STPG2: variants seen among roughly 807,000 people sequenced by gnomAD.
STPG2 encodes the protein sperm-tail PG-rich repeat-containing protein 2.
STPG2 carries 56 observed loss-of-function variants against 54.2 expected under a neutral mutation model. The ratio of observed to expected loss-of-function variants is 1.03; its 90% CI spans 0.83 to 1.29. The LOEUF is 1.29. Among genes scored for constraint, STPG2 ranks in the 50% most tolerant of loss-of-function variants. The probability of loss-of-function intolerance (pLI) is 0.00; values close to 1 mark genes in which losing one functional copy is unlikely to be tolerated. For synonymous variants in STPG2, 200 were observed against 181.8 expected (o/e 1.10, Z -0.81); for missense variants, 596 against 544.9 (o/e 1.09, Z -0.93).
At chr4:97,658,413 C>T (rs928851672) in intron 10 of STPG2, among the ~76,000 whole-genome samples, 2 of 152,118 alleles carry the variant, frequency 1.3e-5, no homozygotes, top group Non-Finnish European at 2.9e-5. Flanking sequence ...GCAGAAAATA[C>T]GTCATACTTT....
intron 5 of STPG2, chr4:98,025,746 G>T: frequency 6.4e-7 from 1 of 1,556,362 alleles, no homozygotes; most frequent in Non-Finnish European, 8.8e-7. Context: ...ATCTATGAAG[G>T]CCAAGTGGAG....
rs1010547181 is a variant in STPG2, at chr4:97,826,611, G to A, written c.1204+14162C>T. Among the ~76,000 whole-genome samples, 3 of 152,274 alleles carry A rather than the reference G, an allele frequency of 2.0e-5. No homozygotes were observed. The South Asian group carries it at 6.2e-4, about 32-fold the overall frequency. On this transcript the variant is annotated intron_variant, in intron 9 of 10. Coordinates refer to ENST00000295268, the MANE Select transcript of STPG2 (RefSeq NM_174952.3). ...AAGATTGAATATATTTGTCGACAAG[G>A]TTTTATTAAGAATTGAATTTGACAT...
chr4:97,553,134 C>A (rs1732002722), intron 4 of STPG2, among the ~76,000 whole-genome samples: 1 of 152,156 alleles, frequency 6.6e-6, no homozygotes, highest in African/African-American at 2.4e-5. Flanking sequence ...TAATGGCTTA[C>A]ATTCTATTTC....
At chr4:97,876,130 A>G (rs563738509) in intron 8 of STPG2, among the ~76,000 whole-genome samples, 6 of 152,160 alleles carry the variant, frequency 3.9e-5, no homozygotes, top group African/African-American at 1.4e-4. Context: ...GAATGCTAAA[A>G]AGTCTGTCTT....
intron 10 of STPG2, among the ~76,000 whole-genome samples, chr4:97,706,589 G>C (rs968271077): frequency 2.6e-5 from 4 of 152,182 alleles, no homozygotes; most frequent in Non-Finnish European, 5.9e-5. Context: ...GTTTGTTAAA[G>C]CAGCCAAAAC....
At chr4:97,993,087 T>G (rs908891551) in intron 5 of STPG2, among the ~76,000 whole-genome samples, 2 of 152,292 alleles carry the variant, frequency 1.3e-5, no homozygotes, top group East Asian at 3.9e-4. Context: ...CTTTCTCTTG[T>G]CTGATTGCTC....
intron 4 of STPG2, among the ~76,000 whole-genome samples, chr4:97,453,790 G>C (rs1300208567): frequency 6.6e-6 from 1 of 152,158 alleles, no homozygotes; most frequent in Non-Finnish European, 1.5e-5. Flanking sequence ...CCAGGTTTCA[G>C]TCCTGGCACC....
intron 9 of STPG2, among the ~76,000 whole-genome samples, chr4:97,799,329 C>T (rs1578575054): frequency 6.6e-6 from 1 of 152,178 alleles, no homozygotes. Flanking sequence ...ACAAGTTGTT[C>T]CTTTCCATGT....
chr4:98,000,892 C>A (rs1301748759), intron 5 of STPG2, among the ~76,000 whole-genome samples: 2 of 151,898 alleles, frequency 1.3e-5, no homozygotes, highest in Non-Finnish European at 2.9e-5. Flanking sequence ...AAATGGAAAC[C>A]AAAAGTAGCT....
intron 7 of STPG2, among the ~76,000 whole-genome samples, chr4:97,963,754 C>T (rs1398549925): frequency 1.3e-5 from 2 of 151,424 alleles, no homozygotes; most frequent in African/African-American, 4.9e-5. Flanking sequence ...TTTATTTATA[C>T]TTATATCGGA....
intron 6 of STPG2, among the ~76,000 whole-genome samples, chr4:97,980,307 G>A (rs1734631486): frequency 6.6e-6 from 1 of 152,166 alleles, no homozygotes; most frequent in South Asian, 2.1e-4. Context: ...TTTGTAGCCA[G>A]GGAATTGATC....
chr4:97,937,402 G>T (rs560728240), intron 8 of STPG2, among the ~76,000 whole-genome samples: 1 of 152,022 alleles, frequency 6.6e-6, no homozygotes, highest in Non-Finnish European at 1.5e-5. Flanking sequence ...CTCATCCTCT[G>T]TCCAGTTCTG....
At chr4:97,857,413 ATT>A (rs1729370072) in intron 8 of STPG2, among the ~76,000 whole-genome samples, 2 of 152,038 alleles carry the variant, frequency 1.3e-5, no homozygotes, top group East Asian at 3.9e-4. Context: ...CAGGAATCTA[ATT>A]ATTTCTTCTA....
intron 8 of STPG2, among the ~76,000 whole-genome samples, chr4:97,873,596 A>G (rs1308128978): frequency 2.2e-5 from 3 of 139,226 alleles, no homozygotes; most frequent in Non-Finnish European, 3.4e-5. Flanking sequence ...CATATCATAT[A>G]GAAGAAACAA....
intron 4 of STPG2, among the ~76,000 whole-genome samples, chr4:97,525,146 T>C (rs988121090): frequency 6.6e-6 from 1 of 151,982 alleles, no homozygotes; most frequent in African/African-American, 2.4e-5. Context: ...TGTATTGTGA[T>C]ATGCTTTCAA....
intron 10 of STPG2, among the ~76,000 whole-genome samples, chr4:97,593,378 A>G (rs1363412593): frequency 2.6e-5 from 4 of 152,170 alleles, no homozygotes; most frequent in African/African-American, 9.7e-5. Context: ...GTGTGTGCAC[A>G]TCCTGCATGA....
intron 9 of STPG2, among the ~76,000 whole-genome samples, chr4:97,746,788 G>A (rs760731549): frequency 1.8e-4 from 27 of 151,108 alleles, no homozygotes; most frequent in African/African-American, 5.8e-4. Flanking sequence ...TGTGCACCTC[G>A]AAAGTATCCC....
rs62319852 is a variant in STPG2 at position 97,724,638 on chromosome 4, C to T, written c.1205-11824G>A. ...TATTTTTTAAATTTGCTATATGATG[C>T]TATAATCTGCAATTTAAAGTAGGTT... On this transcript the variant is annotated intron_variant, in intron 9 of 10. Coordinates refer to ENST00000295268, the MANE Select transcript of STPG2 (RefSeq NM_174952.3). 5.5e-3 allele frequency among the ~76,000 whole-genome samples: 841 copies of T among 152,178 alleles called. 6 individuals are homozygous for T. Among genetic ancestry groups the T allele is most frequent in the Middle Eastern group, 0.048 (14 of 294 alleles).
chr4:97,986,702 C>A (rs1478999435), intron 5 of STPG2, among the ~76,000 whole-genome samples: 1 of 152,258 alleles, frequency 6.6e-6, no homozygotes, highest in South Asian at 2.1e-4. Flanking sequence ...CTGTGTATTT[C>A]TAATTTTATT....
Sources: gnomAD v4.1 joint callset for allele counts (sites outside exome capture counted in the v4.1 genomes callset) on GRCh38, gnomAD v4.1.1 for gene constraint, MANE v1.5 for transcripts, NCBI Gene and HGNC (gene_info 2026-07-23, HGNC 2026-07-21) for gene names.